BRSK2: variants seen among roughly 807,000 people sequenced by gnomAD.
BRSK2 encodes BR serine/threonine kinase 2, also known as serine/threonine-protein kinase BRSK2.
A neutral mutation model predicts 83.3 loss-of-function variants in BRSK2; 19 were observed. That is an observed-to-expected ratio of 0.23 (90% CI 0.16 to 0.33). BRSK2 has a LOEUF of 0.33. Ranked by LOEUF, BRSK2 falls within the 10% of genes least tolerant of loss-of-function variation. The pLI, the probability that BRSK2 is intolerant of heterozygous loss-of-function variation, is 1.00. For missense variants in BRSK2, 798 were observed against 1,042.3 expected (o/e 0.77, Z 3.23); for synonymous variants, 519 against 435.4 (o/e 1.19, Z -2.39).
chr11:1,454,741 C>A lies in BRSK2; in HGVS notation c.1668+133C>A. On this transcript the variant is annotated intron_variant, in intron 16 of 19. Transcript: ENST00000528841. This position sits in a 1 kb window ranked among gnomAD's most constrained non-coding sequence, Gnocchi z 5.2. ...CACGGACGTCCGCTCACCCGTGGGC[C>A]TGCCTGGCCGCCTTCACTGGACAGG... The A allele has an allele frequency of 8.2e-7, 1 of 1,223,398 alleles. No homozygotes were observed. The highest frequency in any genetic ancestry group is 1.5e-5 in the African/African-American group (1 of 66,362). 75.8% of individuals were successfully genotyped at this position (1,223,398 alleles called of 1,614,324 possible).
chr11:1,425,254 C>T (rs1352167575), intron 1 of BRSK2, among the ~76,000 whole-genome samples: 2 of 152,216 alleles, frequency 1.3e-5, no homozygotes, highest in African/African-American at 2.4e-5. Flanking sequence ...CTGGTGAAGG[C>T]GTCACCCAGG....
chr11:1,411,591 C>T (rs1590362393), intron 1 of BRSK2: 1 of 1,581,936 alleles, frequency 6.3e-7, no homozygotes, highest in East Asian at 2.3e-5. Context: ...CCTCCACCTT[C>T]CTCAAGGCCA....
intron 1 of BRSK2, among the ~76,000 whole-genome samples, chr11:1,413,940 G>A (rs1847828232): frequency 6.6e-6 from 1 of 152,234 alleles, no homozygotes; most frequent in Non-Finnish European, 1.5e-5. Context: ...AAAATGGGCT[G>A]CCTCCCACAC....
At position 1,435,554 on chromosome 11, in the gene BRSK2, G is replaced by A. The variant is rs1246301992; in HGVS notation, c.92-486G>A. Among the ~76,000 whole-genome samples the A allele has an allele frequency of 4.5e-5, 4 of 89,646 alleles. No homozygotes were observed. In the East Asian group the frequency reaches 1.3e-3, roughly 30 times the overall value. 58.8% of individuals were successfully genotyped at this position (89,646 alleles called of 152,430 possible). A position where few individuals can be genotyped will look rare whatever the true frequency, so the allele number is the denominator to read the frequency against. ...GAGGGGTGCCGGTGGGGGTCTCGGC[G>A]GAGGAGGGGTGCCGGTGGGGGTCTC... On this transcript the variant is annotated intron_variant, in intron 1 of 19. Transcript: ENST00000528841.
At chr11:1,393,933 CCTGGAGA>C (rs1845890186) in intron 1 of BRSK2, among the ~76,000 whole-genome samples, 1 of 64,142 alleles carries the variant, frequency 1.6e-5, no homozygotes, top group Non-Finnish European at 3.9e-5. Context: ...GGAGATGGGT[CCTGGAGA>C]TGGGTCCTGG....
intron 1 of BRSK2, among the ~76,000 whole-genome samples, chr11:1,420,406 C>G (rs1590407574): frequency 6.6e-6 from 1 of 152,332 alleles, no homozygotes; most frequent in Middle Eastern, 3.4e-3. Context: ...GGCTAACAGA[C>G]ATTTTCAGTT....
At chr11:1,450,071 T>C (rs1590644947) in intron 13 of BRSK2, among the ~76,000 whole-genome samples, 2 of 152,158 alleles carry the variant, frequency 1.3e-5, no homozygotes, top group Non-Finnish European at 2.9e-5. Flanking sequence ...CTTTTGTGGC[T>C]AATCCTCCTG....
chr11:1,419,930 G>T (rs189712605), intron 1 of BRSK2, among the ~76,000 whole-genome samples: 1 of 152,306 alleles, frequency 6.6e-6, no homozygotes, highest in East Asian at 1.9e-4. Context: ...ACAGAAACAA[G>T]AATGTTTGAA....
At chr11:1,456,274 C>T (rs1846525786) in intron 16 of BRSK2, 74 bp from the exon 17 acceptor site, 7 of 1,435,250 alleles carry the variant, frequency 4.9e-6, no homozygotes, top group Non-Finnish European at 6.5e-6. Flanking sequence ...CTGGCTCGCC[C>T]CAGGGCTGCC....
rs1846535546 is a variant in BRSK2, at chr11:1,456,334, C to T, written c.1669-14C>T. 2 of 1,545,600 alleles carry T rather than the reference C, an allele frequency of 1.3e-6. No individual in the cohort carries two copies. Among genetic ancestry groups the T allele is most frequent in the African/African-American group, 1.4e-5 (1 of 72,848 alleles). On this transcript the variant is annotated splice_polypyrimidine_tract_variant and intron_variant, in intron 16 of 19. Transcript: ENST00000528841. ...TGCCAGGCCAGCCACGCTCACGCTG[C>T]TCTCTCTCCACAGATTCCCAGTCTC... is the stretch of plus-strand genomic sequence containing the variant.
At chr11:1,448,101 G>A (rs574743427) in intron 12 of BRSK2, among the ~76,000 whole-genome samples, 1 of 152,296 alleles carries the variant, frequency 6.6e-6, no homozygotes, top group East Asian at 1.9e-4. Context: ...ATGGCTTACA[G>A]GGCCTGGGGC....
chr11:1,410,793 G>GC (rs1847393756), intron 1 of BRSK2: 11 of 985,308 alleles, frequency 1.1e-5, no homozygotes, highest in South Asian at 9.4e-5. Flanking sequence ...GCCACAGGTG[G>GC]CCCCCCCGCC....
intron 11 of BRSK2, 42 bp from the exon 12 acceptor site, chr11:1,445,715 G>A (rs367700793): frequency 1.2e-4 from 201 of 1,610,850 alleles, no homozygotes; most frequent in East Asian, 2.7e-4. Flanking sequence ...CTGCCCCACC[G>A]GGGTCCGGGG....
chr11:1,418,024 A>T (rs12792432), intron 1 of BRSK2, among the ~76,000 whole-genome samples: 84 of 89,362 alleles, frequency 9.4e-4, no homozygotes, highest in Middle Eastern at 9.1e-3. Context: ...TTCTGTTGGC[A>T]GTTTCTTCTC....
intron 18 of BRSK2, among the ~76,000 whole-genome samples, chr11:1,458,754 C>T (rs115215157): frequency 3.2e-4 from 49 of 152,250 alleles, no homozygotes; most frequent in African/African-American, 1.1e-3. Context: ...GGGAAGAGGG[C>T]CGAGGAAGAG....
intron 1 of BRSK2, among the ~76,000 whole-genome samples, chr11:1,403,241 T>C (rs1472126616): frequency 6.6e-6 from 1 of 152,166 alleles, no homozygotes; most frequent in African/African-American, 2.4e-5. Flanking sequence ...TGGCCAGCCT[T>C]GTCTGCTGGA....
At chr11:1,407,990 A>G (rs1847023260) in intron 1 of BRSK2, among the ~76,000 whole-genome samples, 1 of 152,210 alleles carries the variant, frequency 6.6e-6, no homozygotes, top group Admixed American at 6.5e-5. Context: ...TAGAGGGGGC[A>G]GGGGCTGCCT....
Position 1,443,094 on chromosome 11 carries a change from C to A in BRSK2, c.531-12C>A. ...CCGGAGCCCCGCCGCTGACCTCTGCCCTTGCCCGCAGGTCCCCCCACTACG... is the reference window on the plus strand; with the variant it reads ...CCGGAGCCCCGCCGCTGACCTCTGCACTTGCCCGCAGGTCCCCCCACTACG... On this transcript the variant is annotated splice_polypyrimidine_tract_variant and intron_variant, in intron 5 of 19. Transcript: ENST00000528841. 6.5e-7 allele frequency: 1 copy of A among 1,534,182 alleles called. No individual in the cohort carries two copies. The highest frequency in any genetic ancestry group is 1.2e-5 in the South Asian group (1 of 83,776).
intron 1 of BRSK2, among the ~76,000 whole-genome samples, chr11:1,410,154 G>A (rs539391456): frequency 3.5e-5 from 2 of 56,482 alleles, no homozygotes; most frequent in African/African-American, 1.5e-4. Flanking sequence ...GGTTTGTGAC[G>A]AGTTCGTGTT....
Sources: allele counts gnomAD v4.1 joint callset (sites outside exome capture counted in the v4.1 genomes callset), GRCh38; gene constraint gnomAD v4.1.1; non-coding constraint Gnocchi (gnomAD v3.1); transcripts MANE v1.5; gene names NCBI Gene and HGNC (gene_info 2026-07-23, HGNC 2026-07-21).